Variants in CTNNA3 observed in about 807,000 individuals in gnomAD.
The protein encoded by CTNNA3 is catenin alpha 3.
Under a neutral mutation model 95.7 loss-of-function variants are expected in CTNNA3, and 76 were observed. The ratio of observed to expected loss-of-function variants is 0.79; its 90% CI spans 0.66 to 0.96. The LOEUF (loss-of-function observed/expected upper bound fraction) is 0.96, where lower values mean the gene tolerates loss of function less well. Ranked by LOEUF, CTNNA3 falls within the 40% of genes least tolerant of loss-of-function variation. CTNNA3 has a pLI of 0.00. For synonymous variants in CTNNA3, 431 were observed against 374.4 expected, an observed-to-expected ratio of 1.15 and a Z score of -1.74; for missense variants, 1,191 against 1,089.8, an observed-to-expected ratio of 1.09 and a Z score of -1.31.
chr10:67,336,596 G>C (rs1842004499), intron 5 of CTNNA3, among the ~76,000 whole-genome samples: 1 of 152,220 alleles, frequency 6.6e-6, no homozygotes, highest in South Asian at 2.1e-4. Context: ...CCTTTTAGTA[G>C]AAGAAGATTC....
intron 17 of CTNNA3, among the ~76,000 whole-genome samples, chr10:65,933,468 C>A (rs190239994): frequency 1.6e-3 from 247 of 152,178 alleles, no homozygotes; most frequent in Non-Finnish European, 2.1e-3. Context: ...TAGAAGCCCA[C>A]CTTATTAAGA....
intron 12 of CTNNA3, among the ~76,000 whole-genome samples, chr10:66,338,060 G>A (rs2092414626): frequency 6.6e-6 from 1 of 152,000 alleles, no homozygotes; most frequent in African/African-American, 2.4e-5. Flanking sequence ...ATGTTCATCA[G>A]TTTAAGAATA....
chr10:67,655,782 C>CA (rs11291979), intron 1 of CTNNA3, among the ~76,000 whole-genome samples: 2,483 of 94,920 alleles, frequency 0.026, 65 homozygotes, highest in African/African-American at 0.071. Context: ...GACTCCGTCT[C>CA]AAAAAAAAAA....
chr10:66,863,207 A>ACACACG (rs1554865870), intron 7 of CTNNA3, among the ~76,000 whole-genome samples: 3 of 141,672 alleles, frequency 2.1e-5, no homozygotes, highest in Non-Finnish European at 4.8e-5. Flanking sequence ...ACACACACAC[A>ACACACG]CACGCACACA....
intron 4 of CTNNA3, among the ~76,000 whole-genome samples, chr10:67,525,775 C>T (rs1166527227): frequency 6.6e-6 from 1 of 152,228 alleles, no homozygotes; most frequent in Non-Finnish European, 1.5e-5. Flanking sequence ...AGAGCTCCAG[C>T]AGCCTACTAA....
chr10:66,986,920 C>A (rs1000324250), intron 7 of CTNNA3, among the ~76,000 whole-genome samples: 7 of 152,118 alleles, frequency 4.6e-5, no homozygotes, highest in African/African-American at 1.7e-4. Flanking sequence ...TCACTGTCTT[C>A]ATGAAGTTTA....
At chr10:66,863,205 ACACACG>A (rs1217563686) in intron 7 of CTNNA3, among the ~76,000 whole-genome samples, 3 of 150,386 alleles carry the variant, frequency 2.0e-5, no homozygotes, top group African/African-American at 2.5e-5. Context: ...ACACACACAC[ACACACG>A]CACACACATA....
intron 5 of CTNNA3, among the ~76,000 whole-genome samples, chr10:67,311,725 C>T (rs1414588804): frequency 6.6e-6 from 1 of 152,054 alleles, no homozygotes; most frequent in Non-Finnish European, 1.5e-5. Flanking sequence ...AAAAAGGCTG[C>T]TAAAAAGAAA....
chr10:67,141,652 G>C (rs189545506), intron 7 of CTNNA3, among the ~76,000 whole-genome samples: 3 of 152,052 alleles, frequency 2.0e-5, no homozygotes, highest in South Asian at 4.1e-4. Flanking sequence ...TCAACTTGGC[G>C]TCTAAGACTC....
chr10:67,722,457 A>G (rs956285288), intron 1 of CTNNA3, among the ~76,000 whole-genome samples: 41 of 152,244 alleles, frequency 2.7e-4, no homozygotes, highest in Admixed American at 2.4e-3. Flanking sequence ...GCAATCAAAT[A>G]TACAAACAAT....
At chr10:67,631,438 C>G (rs911208187) in intron 2 of CTNNA3, among the ~76,000 whole-genome samples, 4 of 152,036 alleles carry the variant, frequency 2.6e-5, no homozygotes, top group African/African-American at 9.7e-5. Context: ...ACCAATTACT[C>G]CAAAAATTAA....
At chr10:66,335,484 C>T (rs568041024) in intron 12 of CTNNA3, among the ~76,000 whole-genome samples, 1 of 152,200 alleles carries the variant, frequency 6.6e-6, no homozygotes, top group South Asian at 2.1e-4. Context: ...TTGGAGTTTG[C>T]TGGAGGTCCA....
chr10:66,553,355 T>C (rs992428111), intron 10 of CTNNA3, among the ~76,000 whole-genome samples: 3 of 151,698 alleles, frequency 2.0e-5, no homozygotes, highest in African/African-American at 4.8e-5. Flanking sequence ...CAAATATATG[T>C]TTATTTTATT....
At chr10:66,373,797 GTA>G (rs1377740212) in intron 12 of CTNNA3, among the ~76,000 whole-genome samples, 1 of 152,174 alleles carries the variant, frequency 6.6e-6, no homozygotes. Context: ...TTCAACAGAC[GTA>G]GTTCAATGAT....
At chr10:67,248,167 C>T (rs1215256310) in intron 5 of CTNNA3, among the ~76,000 whole-genome samples, 1 of 151,870 alleles carries the variant, frequency 6.6e-6, no homozygotes, top group Non-Finnish European at 1.5e-5. Flanking sequence ...ATTAAAAATA[C>T]AAAGATTAGC....
intron 7 of CTNNA3, among the ~76,000 whole-genome samples, chr10:67,063,344 T>C (rs1243300779): frequency 6.6e-6 from 1 of 152,188 alleles, no homozygotes; most frequent in Non-Finnish European, 1.5e-5. Flanking sequence ...AGGACAAAAC[T>C]GAGAATCAAA....
chr10:66,659,402 G>C (rs1046700529), intron 9 of CTNNA3, among the ~76,000 whole-genome samples: 5 of 152,078 alleles, frequency 3.3e-5, no homozygotes, highest in African/African-American at 7.2e-5. Flanking sequence ...AGGAGCTAAA[G>C]TTTTATTTAG....
intron 10 of CTNNA3, among the ~76,000 whole-genome samples, chr10:66,606,118 T>C: frequency 6.6e-6 from 1 of 151,140 alleles, no homozygotes; most frequent in East Asian, 1.9e-4. Context: ...AAAAGGGAGG[T>C]TGCAATCCTA....
Position 67,158,838 on chromosome 10 carries a change from C to CA in CTNNA3, c.1047+21478dup, listed in dbSNP as rs983001089. Among the ~76,000 whole-genome samples, 643 of 135,456 alleles carry CA rather than the reference C, an allele frequency of 4.7e-3. 3 individuals are homozygous for CA. Among genetic ancestry groups the CA allele is most frequent in the African/African-American group, 6.7e-3 (247 of 36,712 alleles). 88.9% of individuals were successfully genotyped at this position (135,456 alleles called of 152,430 possible). A position where few individuals can be genotyped will look rare whatever the true frequency, so the allele number is the denominator to read the frequency against. On this transcript the variant is annotated intron_variant, in intron 7 of 17. Coordinates refer to ENST00000433211, the MANE Select transcript of CTNNA3 (RefSeq NM_013266.4). The stretch of plus-strand genomic sequence containing the variant: ...TATATAAATCACTATCAATCTATTA[C>CA]AAAAAAAAAAAGTAACAAAAATAAA...
Sources: allele counts gnomAD v4.1 joint callset (sites outside exome capture counted in the v4.1 genomes callset), GRCh38; gene constraint gnomAD v4.1.1; transcripts MANE v1.5; gene names NCBI Gene and HGNC (gene_info 2026-07-23, HGNC 2026-07-21).